The following PCDHGA10 variants were observed in gnomAD, a reference collection of about 807,000 sequenced individuals.
PCDHGA10 encodes protocadherin gamma subfamily A, 10.
In PCDHGA10, 42 loss-of-function variants were observed where a neutral mutation model predicts 59.5. The observed-to-expected ratio is 0.71, with a 90% CI of 0.55 to 0.91. PCDHGA10 has a LOEUF of 0.91. Among genes scored for constraint, PCDHGA10 ranks in the 40% least tolerant of loss-of-function variants. The pLI, the probability that PCDHGA10 is intolerant of heterozygous loss-of-function variation, is 0.00. For missense variants in PCDHGA10, 1,111 were observed against 1,198.2 expected (o/e 0.93, Z 1.07); for synonymous variants, 511 against 517.2 (o/e 0.99, Z 0.16).
Position 141,477,741 on chromosome 5 carries a change from G to A in PCDHGA10, c.2437-17066G>A, listed in dbSNP as rs1438249932. On this transcript the variant is annotated intron_variant, in intron 1 of 3. Transcript: ENST00000398610. The surrounding 1 kb of genome is among the most constrained non-coding windows in gnomAD (Gnocchi z 4.9). ...GAATTAACAGCTCATATCAGCGATG[G>A]GGGCACCCCGGTCCTAGCCACCAAC... is the stretch of plus-strand genomic sequence containing the variant. 4 of 1,613,802 alleles carry A rather than the reference G, an allele frequency of 2.5e-6. No individual in the cohort carries two copies. The highest frequency in any genetic ancestry group is 1.7e-5 in the Admixed American group (1 of 60,026).
chr5:141,439,618 C>T (rs964445098), intron 1 of PCDHGA10, among the ~76,000 whole-genome samples: 2 of 152,178 alleles, frequency 1.3e-5, no homozygotes, highest in East Asian at 3.8e-4. Context: ...GATAAATGAG[C>T]CAATCCCCAG....
chr5:141,417,658 G>C, intron 1 of PCDHGA10: 2 of 869,072 alleles, frequency 2.3e-6, no homozygotes, highest in Non-Finnish European at 1.7e-6. Context: ...TCTAGCCTGG[G>C]ATTCCCTGCG....
chr5:141,510,910 A>C (rs780792326), intron 3 of PCDHGA10, 37 bp from the exon 4 acceptor site: 4 of 1,613,740 alleles, frequency 2.5e-6, no homozygotes, highest in Admixed American at 3.3e-5. Flanking sequence ...GAGGACCCTA[A>C]GTTTAGCTCC....
Position 141,485,746 on chromosome 5 carries a change from C to T in PCDHGA10, c.2437-9061C>T, listed in dbSNP as rs1297635523. ...AGAAGCGCAGCGACGGCAGCCTGGT[C>T]CCAGAGCTGCTCCTGGAGAAGCCTT... On this transcript the variant is annotated intron_variant, in intron 1 of 3. Coordinates refer to ENST00000398610, the MANE Select transcript of PCDHGA10 (RefSeq NM_018913.3). The surrounding 1 kb of genome is among the most constrained non-coding windows in gnomAD (Gnocchi z 5.7). 6.2e-7 allele frequency: 1 copy of T among 1,614,128 alleles called. No individual in the cohort carries two copies. The highest frequency in any genetic ancestry group is 2.2e-5 in the East Asian group (1 of 44,880).
In PCDHGA10 at chr5:141,476,229, C is replaced by T; in HGVS notation, c.2437-18578C>T. ...TCCACGGTCATTCACTATGAGATCC[C>T]GGAGGAAAGAGAGAAGGGTTTCGCT... On this transcript the variant is annotated intron_variant, in intron 1 of 3. Coordinates refer to ENST00000398610, the MANE Select transcript of PCDHGA10 (RefSeq NM_018913.3). The surrounding 1 kb of genome is among the most constrained non-coding windows in gnomAD (Gnocchi z 7.6). 1 of 1,613,872 alleles carries T rather than the reference C, an allele frequency of 6.2e-7. No individual in the cohort carries two copies. The highest frequency in any genetic ancestry group is 2.2e-5 in the East Asian group (1 of 44,822).
intron 1 of PCDHGA10, among the ~76,000 whole-genome samples, chr5:141,437,886 C>A (rs763669578): frequency 6.6e-6 from 1 of 152,022 alleles, no homozygotes; most frequent in Non-Finnish European, 1.5e-5. Flanking sequence ...TACAGGCACA[C>A]GCCACCACAC....
At position 141,485,240 on chromosome 5, in the gene PCDHGA10, C is replaced by G; in HGVS notation, c.2437-9567C>G. On this transcript the variant is annotated intron_variant, in intron 1 of 3. Coordinates refer to ENST00000398610, the MANE Select transcript of PCDHGA10 (RefSeq NM_018913.3). This position sits in a 1 kb window ranked among gnomAD's most constrained non-coding sequence, Gnocchi z 5.7. The stretch of plus-strand genomic sequence containing the variant: ...GGCTACCCTTTTGTTCCTCTTTTAC[C>G]ACCTGGGTTACGTTTGTGGGCAGAT... The G allele has an allele frequency of 6.2e-7, 1 of 1,614,174 alleles. No individual in the cohort carries two copies. The highest frequency in any genetic ancestry group is 8.5e-7 in the Non-Finnish European group (1 of 1,180,024).
chr5:141,510,221 C>T lies in PCDHGA10; in HGVS notation c.2585-726C>T, dbSNP rs891359580. On this transcript the variant is annotated intron_variant, in intron 3 of 3. Transcript: ENST00000398610. The stretch of plus-strand genomic sequence containing the variant: ...CCAGGAGGCAGAGGTTGCAGTGAGC[C>T]GGGATCGCGCCACTGCACTCCAGGC... Among the ~76,000 whole-genome samples, 12 of 150,616 alleles carry T rather than the reference C, an allele frequency of 8.0e-5. No homozygotes were observed. In the East Asian group the frequency reaches 1.2e-3, roughly 15 times the overall value.
intron 1 of PCDHGA10, among the ~76,000 whole-genome samples, chr5:141,482,843 G>A (rs1005014887): frequency 7.1e-6 from 1 of 140,154 alleles, no homozygotes; most frequent in Non-Finnish European, 1.5e-5. Flanking sequence ...AGGCCAAGGT[G>A]GGCAGATCAC....
Position 141,414,452 on chromosome 5 carries a change from T to G in PCDHGA10, c.1277T>G (p.Val426Gly). 1 of 1,613,886 alleles carries G rather than the reference T, an allele frequency of 6.2e-7. No homozygotes were observed. The highest frequency in any genetic ancestry group is 8.5e-7 in the Non-Finnish European group (1 of 1,179,862). Residue 426 changes from valine to glycine, a missense_variant, in exon 1 of 4, where the codon GTG becomes GGG. Physicochemically the swap from Val to Gly is moderately radical, Grantham distance 109 (BLOSUM62 -3). Transcript: ENST00000398610. ...REQVSSYNITVTATDGGSPPL... is the reference protein window; with the variant it reads ...REQVSSYNITGTATDGGSPPL... ...CAGGTATCCTCTTACAATATCACAG[T>G]GACAGCCACAGATGGGGGAAGTCCT...
chr5:141,504,956 G>A (rs1327603937), intron 2 of PCDHGA10, among the ~76,000 whole-genome samples: 1 of 152,096 alleles, frequency 6.6e-6, no homozygotes, highest in Non-Finnish European at 1.5e-5. Context: ...TATGTTCAAT[G>A]CATTGGACCA....
Position 141,489,087 on chromosome 5 carries a change from TGA to T in PCDHGA10, c.2437-5719_2437-5718del. The T allele has an allele frequency of 4.6e-6, 1 of 216,098 alleles. No individual in the cohort carries two copies. 13.4% of individuals were successfully genotyped at this position (216,098 alleles called of 1,614,324 possible). ...CCCCCTGCCCACCCCCGCCACTCGGTGACTAAGAACTGCTGCAAGCAGGCAAA... is the reference window on the plus strand; with the variant it reads ...CCCCCTGCCCACCCCCGCCACTCGGTCTAAGAACTGCTGCAAGCAGGCAAA... On this transcript the variant is annotated intron_variant, in intron 1 of 3. Transcript: ENST00000398610. The surrounding 1 kb of genome is among the most constrained non-coding windows in gnomAD (Gnocchi z 4.5).
chr5:141,497,829 C>T (rs754594104), intron 2 of PCDHGA10, among the ~76,000 whole-genome samples: 147 of 152,160 alleles, frequency 9.7e-4, no homozygotes, highest in Non-Finnish European at 1.8e-3. Flanking sequence ...TGTGATCGCC[C>T]CCGGCCACAA....
chr5:141,507,554 A>C (rs1384910590), intron 3 of PCDHGA10, among the ~76,000 whole-genome samples: 2 of 152,258 alleles, frequency 1.3e-5, no homozygotes, highest in African/African-American at 4.8e-5. Context: ...TGAAAGTGGC[A>C]GGCGGCTGGG....
rs762200805 is a variant in PCDHGA10 at position 141,423,045 on chromosome 5, C to T, written c.2436+7434C>T. 8 of 1,614,210 alleles carry T rather than the reference C, an allele frequency of 5.0e-6. No homozygotes were observed. The East Asian group carries it at 1.8e-4, about 36-fold the overall frequency. ...ATTCAGGCCAGAACGCCTGGCTGTCCTATCGCCTGCTTAAGGCCAGCGAGC... is the reference window on the plus strand; with the variant it reads ...ATTCAGGCCAGAACGCCTGGCTGTCTTATCGCCTGCTTAAGGCCAGCGAGC... On this transcript the variant is annotated intron_variant, in intron 1 of 3. Transcript: ENST00000398610.
intron 1 of PCDHGA10, chr5:141,429,208 G>A (rs568951026): frequency 5.4e-4 from 77 of 142,568 alleles, no homozygotes; most frequent in African/African-American, 1.9e-3. Context: ...ACACACACGT[G>A]TGAAAAGTGG....
At position 141,413,034 on chromosome 5, in the gene PCDHGA10, G is replaced by C; in HGVS notation, c.-142G>C. Reference sequence around the variant, plus strand: ...ACTACACAAGCCCCACAAACCGGCTGCTGGGCTGCAGGGAAGCTCACTCCA... The same window carrying C: ...ACTACACAAGCCCCACAAACCGGCTCCTGGGCTGCAGGGAAGCTCACTCCA... On this transcript the variant is annotated 5_prime_UTR_variant, in exon 1 of 4. Coordinates refer to ENST00000398610, the MANE Select transcript of PCDHGA10 (RefSeq NM_018913.3). The C allele has an allele frequency of 1.3e-6, 1 of 783,270 alleles. No individual in the cohort carries two copies. The highest frequency in any genetic ancestry group is 2.8e-5 in the East Asian group (1 of 35,816). 48.5% of individuals were successfully genotyped at this position (783,270 alleles called of 1,614,324 possible).
intron 1 of PCDHGA10, chr5:141,478,778 C>A: frequency 6.7e-7 from 1 of 1,488,178 alleles, no homozygotes; most frequent in Non-Finnish European, 8.9e-7. Flanking sequence ...ATCTGTGGAC[C>A]TAATTCACAT....
chr5:141,505,602 A>G lies in PCDHGA10; in HGVS notation c.2584+121A>G, dbSNP rs1041288927. 4.6e-5 allele frequency: 71 copies of G among 1,534,990 alleles called. 1 individual carries two copies. In the Admixed American group the frequency reaches 1.4e-3, roughly 30 times the overall value. On this transcript the variant is annotated intron_variant, in intron 3 of 3. Coordinates refer to ENST00000398610, the MANE Select transcript of PCDHGA10 (RefSeq NM_018913.3). ...GTGTAGTTTCTCCAGATCTTTCGGC[A>G]GGTCTGAAAGGACCCACAATTCCAA...
Sources: allele counts gnomAD v4.1 joint callset (sites outside exome capture counted in the v4.1 genomes callset), GRCh38; gene constraint gnomAD v4.1.1; non-coding constraint Gnocchi (gnomAD v3.1); transcripts MANE v1.5; gene names NCBI Gene and HGNC (gene_info 2026-07-23, HGNC 2026-07-21).